CATIP: variants seen among roughly 807,000 people sequenced by gnomAD.
CATIP encodes ciliogenesis associated TTC17 interacting protein.
In CATIP, 40 loss-of-function variants were observed where a neutral mutation model predicts 42.5. That is an observed-to-expected ratio of 0.94 (90% CI 0.73 to 1.22). CATIP has a LOEUF of 1.22. Ranked by LOEUF, CATIP falls within the 50% of genes most tolerant of loss-of-function variation. The pLI is 0.00. For missense variants in CATIP, 489 were observed against 496.0 expected (o/e 0.99, Z 0.13); for synonymous variants, 222 against 200.2 (o/e 1.11, Z -0.92).
At position 218,357,130 on chromosome 2, in the gene CATIP, G is replaced by A; in HGVS notation, c.61G>A (p.Glu21Lys). The change falls in exon 2 of 10, where the codon GAG (glutamate) becomes AAG (lysine). Residue 21 changes from glutamate to lysine, a missense_variant. Transcript: ENST00000289388. ...RAKDHQPSGPECLPLPEANAE... is the reference protein window; with the variant it reads ...RAKDHQPSGPKCLPLPEANAE... ...TAAGGACCACCAGCCCTCGGGTCCG[G>A]AGTGTCTGCCACTCCCAGAGGCCAA... is the stretch of plus-strand genomic sequence containing the variant. 1.2e-6 allele frequency: 2 copies of A among 1,614,014 alleles called. No homozygotes were observed. Among genetic ancestry groups the A allele is most frequent in the Non-Finnish European group, 1.7e-6 (2 of 1,179,968 alleles).
At chr2:218,360,388 G>A (rs374153465) in intron 4 of CATIP, among the ~76,000 whole-genome samples, 185 bp from the exon 5 acceptor site, 1 of 152,060 alleles carries the variant, frequency 6.6e-6, no homozygotes, top group South Asian at 2.1e-4. Context: ...CTGACCTCGT[G>A]ATCCGCCCAC....
At chr2:218,363,342 G>C (rs1012583912) in intron 6 of CATIP, among the ~76,000 whole-genome samples, 1 of 151,318 alleles carries the variant, frequency 6.6e-6, no homozygotes, top group Non-Finnish European at 1.5e-5. Context: ...AAAAATCAGC[G>C]GGGCGTGGTG....
At chr2:218,358,010 G>A (rs62182089) in intron 3 of CATIP, 27 bp from the exon 4 acceptor site, 169,777 of 1,610,034 alleles carry the variant, frequency 0.11, 9,540 homozygotes, top group Non-Finnish European at 0.11. Context: ...CTCCTGTGAC[G>A]TCAATGCCTG....
Position 218,367,592 on chromosome 2 carries a change from T to C in CATIP, c.921+74T>C, listed in dbSNP as rs1044163189. On this transcript the variant is annotated intron_variant, in intron 9 of 9. Transcript: ENST00000289388. ...TAAATTCATTACTGATCTCTGCACC[T>C]GATTGAAATGCACACCCGTAGGGGC... The C allele has an allele frequency of 3.7e-6, 6 of 1,602,460 alleles. No individual in the cohort carries two copies. The African/African-American group carries it at 8.0e-5, about 21-fold the overall frequency.
At chr2:218,364,538 T>C in intron 6 of CATIP, 90 bp from the exon 7 acceptor site, 1 of 1,519,246 alleles carries the variant, frequency 6.6e-7, no homozygotes, top group South Asian at 1.2e-5. Context: ...GAGGTTGTTA[T>C]GAGATGGAGA....
rs1574732929 is a variant in CATIP at position 218,357,606 on chromosome 2, G to A, written c.191G>A (p.Gly64Glu). Reference protein sequence around the residue: ...AMVSDTGEPQGELTIEVQRGK... With the variant: ...AMVSDTGEPQEELTIEVQRGK... ...GTCTCAGACACCGGGGAGCCTCAGG[G>A]AGAGCTGACCATTGAGGTGCAGAGA... is the stretch of plus-strand genomic sequence containing the variant. The change falls in exon 3 of 10, where the codon GGA becomes GAA. Residue 64 changes from glycine (G) to glutamate (E), a missense_variant. By Grantham distance (98) the Gly-to-Glu change is moderately conservative. Coordinates refer to ENST00000289388, the MANE Select transcript of CATIP (RefSeq NM_198559.2). The A allele has an allele frequency of 6.2e-7, 1 of 1,614,002 alleles. No homozygotes were observed. Among genetic ancestry groups the A allele is most frequent in the African/African-American group, 1.3e-5 (1 of 74,924 alleles).
chr2:218,365,501 T>A (rs1446583382), intron 7 of CATIP: 1 of 152,134 alleles, frequency 6.6e-6, no homozygotes. Context: ...TGAGACAGAC[T>A]CCAGTCGAGT....
Position 218,367,461 on chromosome 2 carries a change from G to A in CATIP, c.864G>A (p.Lys288=), listed in dbSNP as rs1424258325. 1.2e-6 allele frequency: 2 copies of A among 1,614,058 alleles called. No homozygotes were observed. Among genetic ancestry groups the A allele is most frequent in the South Asian group, 1.1e-5 (1 of 91,086 alleles). The change falls in exon 9 of 10, where the codon AAG becomes AAA. Residue 288 remains lysine (K), a synonymous_variant. Transcript: ENST00000289388. Reference sequence around the variant, plus strand: ...TTGAGCCACGCCCAGTGTTTGAGAAGAAGCCCCTGGTATGGGAGGAGGATA... The same window carrying A: ...TTGAGCCACGCCCAGTGTTTGAGAAAAAGCCCCTGGTATGGGAGGAGGATA... ...DEIEPRPVFE[K]KPLVWEEDME...
intron 5 of CATIP, among the ~76,000 whole-genome samples, chr2:218,360,997 A>G (rs1695214166): frequency 6.6e-6 from 1 of 151,810 alleles, no homozygotes; most frequent in African/African-American, 2.4e-5. Flanking sequence ...CGCCCGGCTA[A>G]TTCTGTATTT....
At chr2:218,365,067 T>C (rs1177113518) in intron 7 of CATIP, among the ~76,000 whole-genome samples, 2 of 152,080 alleles carry the variant, frequency 1.3e-5, no homozygotes, top group African/African-American at 4.8e-5. Context: ...GCTGGAAGAA[T>C]TGCCTGTGGC....
At chr2:218,367,545 G>T (rs1199980606) in intron 9 of CATIP, 27 bp downstream of exon 9, 1 of 1,611,596 alleles carries the variant, frequency 6.2e-7, no homozygotes, top group South Asian at 1.1e-5. Flanking sequence ...CCAGCCTGGG[G>T]TTCCCATTCC....
chr2:218,357,176 T>C lies in CATIP; in HGVS notation c.107T>C (p.Leu36Pro). The change falls in exon 2 of 10, where the codon CTC becomes CCC. Residue 36 changes from leucine (L) to proline (P), a missense_variant. Leu to Pro is a moderately conservative substitution (Grantham distance 98). Coordinates refer to ENST00000289388, the MANE Select transcript of CATIP (RefSeq NM_198559.2). ...PEANAEAIDF[L>P]SSLHKEELQM... ...GCCAATGCTGAAGCCATCGACTTCC[T>C]CAGCTCCCTCCGTGAGCTCAGACAG... 6.2e-7 allele frequency: 1 copy of C among 1,613,130 alleles called. No individual in the cohort carries two copies. The highest frequency in any genetic ancestry group is 8.5e-7 in the Non-Finnish European group (1 of 1,179,484).
intron 6 of CATIP, among the ~76,000 whole-genome samples, chr2:218,364,374 C>A (rs1175766589): frequency 1.3e-5 from 2 of 152,134 alleles, no homozygotes; most frequent in Non-Finnish European, 2.9e-5. Context: ...CCCCGCATAC[C>A]GCTTCTCATC....
chr2:218,368,051 C>T lies in CATIP; in HGVS notation c.*87C>T, dbSNP rs552261573. The T allele has an allele frequency of 1.3e-5, 19 of 1,414,590 alleles. No individual in the cohort carries two copies. In the Admixed American group the frequency reaches 3.7e-4, roughly 28 times the overall value. The allele number at this position is 1,414,590 out of a possible 1,614,324, so 87.6% of individuals were successfully genotyped here. A position where few individuals can be genotyped will look rare whatever the true frequency, so the allele number is the denominator to read the frequency against. ...CGCCGGGGCGGGTGCGCTTTCCGGG[C>T]TGCGGTTTTGGGGGAATAAATGGGG... On this transcript the variant is annotated 3_prime_UTR_variant, in exon 10 of 10. Transcript: ENST00000289388.
chr2:218,367,035 A>G lies in CATIP; in HGVS notation c.767A>G (p.Lys256Arg). Reference protein sequence around the residue: ...YYLLSDGHLAKRIQVGSPGCC... With the variant: ...YYLLSDGHLARRIQVGSPGCC... The stretch of plus-strand genomic sequence containing the variant: ...GTGTTGCACTCCAGGCACCTGGCCA[A>G]GAGAATACAGGTGGGCTCCCCAGGG... Residue 256 changes from lysine to arginine, a missense_variant, in exon 8 of 10, where the codon AAG becomes AGG. Transcript: ENST00000289388. 6.2e-7 allele frequency: 1 copy of G among 1,613,456 alleles called. No homozygotes were observed.
chr2:218,367,427 T>C lies in CATIP; in HGVS notation c.833-3T>C, dbSNP rs201582579. On this transcript the variant is annotated splice_polypyrimidine_tract_variant and splice_region_variant and intron_variant, in intron 8 of 9. Coordinates refer to ENST00000289388, the MANE Select transcript of CATIP (RefSeq NM_198559.2). ...CGCCCAGCCTTCCTTGTTCCCCACC[T>C]AGATGAGATTGAGCCACGCCCAGTG... 52 of 1,613,908 alleles carry C rather than the reference T, an allele frequency of 3.2e-5. No individual in the cohort carries two copies. The highest frequency in any genetic ancestry group is 2.8e-4 in the Admixed American group (17 of 60,022).
Position 218,363,441 on chromosome 2 carries a change from G to C in CATIP, c.630+539G>C, listed in dbSNP as rs564030521. On this transcript the variant is annotated intron_variant, in intron 6 of 9. Transcript: ENST00000289388. Reference sequence around the variant, plus strand: ...GCAGAGCTTGCAGTGAGCCGAGATCGCGCCACTGCACTCCCGCCTGGGTGA... The same window carrying C: ...GCAGAGCTTGCAGTGAGCCGAGATCCCGCCACTGCACTCCCGCCTGGGTGA... Among the ~76,000 whole-genome samples, 65 of 150,128 alleles carry C rather than the reference G, an allele frequency of 4.3e-4. 2 individuals carry two copies. Among genetic ancestry groups the C allele is most frequent in the East Asian group, 3.9e-4 (2 of 5,100 alleles).
At chr2:218,367,284 G>T in intron 8 of CATIP, 146 bp from the exon 9 acceptor site, 1 of 833,232 alleles carries the variant, frequency 1.2e-6, no homozygotes, top group East Asian at 2.5e-5. Flanking sequence ...CTTTCCTACT[G>T]GAAGTCCCTT....
In CATIP at chr2:218,367,949, C is replaced by T. The variant is rs772199984; in HGVS notation, c.1149C>T (p.Arg383=). ...FRSLEPEGDA[R]SGAA ...CCCTGGAGCCGGAGGGAGACGCCCG[C>T]TCGGGGGCGGCCTAAGCGGGGCCCA... Residue 383 remains arginine, a synonymous_variant, in exon 10 of 10, where the codon CGC becomes CGT. Transcript: ENST00000289388. 204 of 1,590,056 alleles carry T rather than the reference C, an allele frequency of 1.3e-4. 1 individual carries two copies. The Middle Eastern group carries it at 6.2e-3, about 48-fold the overall frequency.
Sources: allele counts gnomAD v4.1 joint callset (sites outside exome capture counted in the v4.1 genomes callset), GRCh38; gene constraint gnomAD v4.1.1; transcripts MANE v1.5; gene names NCBI Gene and HGNC (gene_info 2026-07-23, HGNC 2026-07-21).